MED14: variants seen among roughly 807,000 people sequenced by gnomAD.
MED14 encodes the protein mediator complex subunit 14.
A neutral mutation model predicts 109.0 loss-of-function variants in MED14; 8 were observed. The ratio of observed to expected loss-of-function variants is 0.07; its 90% CI spans 0.04 to 0.13. The LOEUF is 0.13. MED14 is among the 10% of genes least tolerant of loss of function. The pLI, the probability that MED14 is intolerant of heterozygous loss-of-function variation, is 1.00. For synonymous variants in MED14, 399 were observed against 408.7 expected, an observed-to-expected ratio of 0.98 and a Z score of 0.29; for missense variants, 711 against 1,142.4, an observed-to-expected ratio of 0.62 and a Z score of 5.44.
At chrX:40,729,856 T>C (rs1273034343) in intron 1 of MED14, among the ~76,000 whole-genome samples, 2 of 112,353 alleles carry the variant, frequency 1.8e-5, no homozygotes, top group East Asian at 2.8e-4. Context: ...GGTGGTTAGA[T>C]GAAAAATTTT....
chrX:40,689,222 T>C (rs953531609), intron 15 of MED14, among the ~76,000 whole-genome samples: 1 of 112,117 alleles, frequency 8.9e-6, no homozygotes. Context: ...ATATCTACCA[T>C]GTTCTGGAAA....
chrX:40,733,109 T>A (rs761160723), intron 1 of MED14, among the ~76,000 whole-genome samples: 34 of 102,158 alleles, frequency 3.3e-4, no homozygotes, highest in East Asian at 2.1e-3. Flanking sequence ...TTATCAATAT[T>A]TTTTTTTTTT....
At chrX:40,682,472 A>G in intron 18 of MED14, 131 bp downstream of exon 18, 2 of 525,627 alleles carry the variant, frequency 3.8e-6, no homozygotes, top group Non-Finnish European at 6.0e-6. Flanking sequence ...AGTGAAAGGA[A>G]TACTTAAGTT....
chrX:40,706,623 A>C (rs1019404655), intron 10 of MED14, among the ~76,000 whole-genome samples: 1 of 112,070 alleles, frequency 8.9e-6, no homozygotes, highest in African/African-American at 3.2e-5. Context: ...TTCTACAAAA[A>C]GGAATTTTAC....
chrX:40,657,956 T>A (rs763488292), intron 28 of MED14, among the ~76,000 whole-genome samples: 2 of 108,735 alleles, frequency 1.8e-5, no homozygotes, highest in African/African-American at 6.7e-5. Context: ...CATGCCTGGC[T>A]AATTTTTTTG....
chrX:40,726,656 G>A (rs2146740914), intron 3 of MED14, 90 bp downstream of exon 3: 1 of 657,841 alleles, frequency 1.5e-6, no homozygotes, highest in East Asian at 3.6e-5. Context: ...CAAATCAGCA[G>A]GGATAAGTTA....
chrX:40,682,523 C>A, intron 18 of MED14, 80 bp downstream of exon 18: 2 of 823,552 alleles, frequency 2.4e-6, no homozygotes, highest in Non-Finnish European at 3.3e-6. Flanking sequence ...GAACACTGTG[C>A]ATGTTTCACT....
intron 2 of MED14, among the ~76,000 whole-genome samples, chrX:40,728,005 T>C (rs1477158215): frequency 1.8e-5 from 2 of 111,903 alleles, no homozygotes; most frequent in Non-Finnish European, 1.9e-5. Context: ...TAATTATGAC[T>C]CTTTGCCAGT....
intron 28 of MED14, among the ~76,000 whole-genome samples, chrX:40,656,404 T>C (rs1457296155): frequency 8.9e-6 from 1 of 111,953 alleles, no homozygotes; most frequent in African/African-American, 3.2e-5. Flanking sequence ...ATCTACAAAT[T>C]AGAAAGACCC....
chrX:40,664,524 T>A, intron 24 of MED14, 35 bp from the exon 25 acceptor site: 1 of 882,507 alleles, frequency 1.1e-6, no homozygotes, highest in Non-Finnish European at 1.5e-6. Context: ...TCTCAAAACC[T>A]ATATTTTAAT....
intron 15 of MED14, among the ~76,000 whole-genome samples, chrX:40,690,601 G>A (rs999020812): frequency 9.0e-5 from 10 of 111,351 alleles, no homozygotes; most frequent in African/African-American, 3.3e-4. Flanking sequence ...TTTTAGTAGA[G>A]ACGGGGTTTC....
chrX:40,678,838 T>C (rs1230030782), intron 21 of MED14, among the ~76,000 whole-genome samples: 1 of 105,856 alleles, frequency 9.4e-6, no homozygotes, highest in Admixed American at 1.0e-4. Context: ...AAAAAAAAAA[T>C]AGAAAAAAGA....
At chrX:40,674,197 C>A (rs1929834860) in intron 22 of MED14, among the ~76,000 whole-genome samples, 1 of 110,594 alleles carries the variant, frequency 9.0e-6, no homozygotes, top group Admixed American at 9.6e-5. Flanking sequence ...CCCCGCACCT[C>A]GGCTACACAG....
chrX:40,666,860 G>A lies in MED14; in HGVS notation c.3134-9C>T. On this transcript the variant is annotated splice_polypyrimidine_tract_variant and intron_variant, in intron 23 of 30. Transcript: ENST00000324817. Reference sequence around the variant, plus strand: ...GGCAGCATGCAGATTTCCTAATAAAGGAAAATAATTATAGATAATCTTGCA... The same window carrying A: ...GGCAGCATGCAGATTTCCTAATAAAAGAAAATAATTATAGATAATCTTGCA... The A allele has an allele frequency of 8.7e-7, 1 of 1,150,238 alleles. No individual in the cohort carries two copies. The allele number at this position is 1,150,238 out of a possible 1,213,427, so 94.8% of individuals were successfully genotyped here. A position where few individuals can be genotyped will look rare whatever the true frequency, so the allele number is the denominator to read the frequency against.
chrX:40,680,717 A>G (rs372690624), intron 20 of MED14, 41 bp downstream of exon 20: 15 of 1,120,195 alleles, frequency 1.3e-5, no homozygotes, highest in African/African-American at 5.4e-5. Flanking sequence ...CACGGCTGGC[A>G]TACTAAGTCT....
chrX:40,673,180 A>G (rs1929787002), intron 22 of MED14, among the ~76,000 whole-genome samples: 1 of 112,472 alleles, frequency 8.9e-6, no homozygotes, highest in Non-Finnish European at 1.9e-5. Flanking sequence ...CAAAGGCTCA[A>G]TCTTTAGGAG....
In MED14 at chrX:40,664,342, A is replaced by C; in HGVS notation, c.3413T>G (p.Val1138Gly). The change falls in exon 25 of 31, where the codon GTT becomes GGT. Residue 1138 changes from valine to glycine, a missense_variant. By Grantham distance (109) the Val-to-Gly change is moderately radical (BLOSUM62 -3). Coordinates refer to ENST00000324817, the MANE Select transcript of MED14 (RefSeq NM_004229.4). ...TCGAGGGGAATGAGAAGCATCTGGA[A>C]CCGGAGAATGTAGTGAGGGGTTGGC... Reference protein sequence around the residue: ...SPANPSLHSPVPDASHSPRAG... With the variant: ...SPANPSLHSPGPDASHSPRAG... 2.5e-6 allele frequency: 3 copies of C among 1,204,089 alleles called. No homozygotes were observed. The highest frequency in any genetic ancestry group is 3.4e-6 in the Non-Finnish European group (3 of 892,891).
At chrX:40,710,958 T>C (rs1931317742) in intron 8 of MED14, among the ~76,000 whole-genome samples, 1 of 111,752 alleles carries the variant, frequency 8.9e-6, no homozygotes, top group African/African-American at 3.3e-5. Context: ...AGTCCTGCGG[T>C]CAGCCAGCAG....
At chrX:40,703,056 T>C (rs1054293342) in intron 11 of MED14, among the ~76,000 whole-genome samples, 7 of 112,456 alleles carry the variant, frequency 6.2e-5, no homozygotes, top group African/African-American at 2.3e-4. Context: ...TCATCTTAGA[T>C]GTTTCTACTG....
Sources: gnomAD v4.1 joint callset for allele counts (sites outside exome capture counted in the v4.1 genomes callset) on GRCh38, gnomAD v4.1.1 for gene constraint, MANE v1.5 for transcripts, NCBI Gene and HGNC (gene_info 2026-07-23, HGNC 2026-07-21) for gene names.